NEGR1: variants seen among roughly 807,000 people sequenced by gnomAD.
The protein encoded by NEGR1 is neuronal growth regulator 1.
NEGR1 carries 10 observed loss-of-function variants against 40.9 expected under a neutral mutation model. The observed-to-expected ratio is 0.24, with a 90% CI of 0.15 to 0.42. The LOEUF (loss-of-function observed/expected upper bound fraction) is 0.42, where lower values mean the gene tolerates loss of function less well. NEGR1 is among the 10% of genes least tolerant of loss of function. NEGR1 has a pLI of 1.00. For synonymous variants in NEGR1, 185 were observed against 166.8 expected, an observed-to-expected ratio of 1.11 and a Z score of -0.84; for missense variants, 352 against 438.9, an observed-to-expected ratio of 0.80 and a Z score of 1.77.
intron 1 of NEGR1, among the ~76,000 whole-genome samples, chr1:72,267,308 G>T (rs57367764): frequency 4.0e-5 from 6 of 150,954 alleles, no homozygotes; most frequent in African/African-American, 1.5e-4. Context: ...GGCTATTAAA[G>T]GGTTTTATGA....
intron 1 of NEGR1, among the ~76,000 whole-genome samples, chr1:71,940,330 A>T (rs1645947554): frequency 6.6e-6 from 1 of 152,206 alleles, no homozygotes. Flanking sequence ...AATCTGCTAG[A>T]CTACCTATTT....
chr1:71,887,796 TTCTC>T (rs2101850104), intron 2 of NEGR1, among the ~76,000 whole-genome samples: 1 of 152,252 alleles, frequency 6.6e-6, no homozygotes, highest in South Asian at 2.1e-4. Context: ...GCTCCATACT[TTCTC>T]TTTGTTATTA....
At chr1:71,711,237 C>T (rs1325350204) in intron 3 of NEGR1, among the ~76,000 whole-genome samples, 1 of 141,088 alleles carries the variant, frequency 7.1e-6, no homozygotes, top group Non-Finnish European at 1.5e-5. Flanking sequence ...CCCAGCTACG[C>T]GGGAGGCTGA....
chr1:71,885,544 A>G (rs1458405854), intron 2 of NEGR1, among the ~76,000 whole-genome samples: 1 of 152,216 alleles, frequency 6.6e-6, no homozygotes, highest in African/African-American at 2.4e-5. Context: ...TTAGCAATGC[A>G]ACTGTAAGTA....
chr1:72,152,654 C>T (rs1395610850), intron 1 of NEGR1, among the ~76,000 whole-genome samples: 1 of 151,762 alleles, frequency 6.6e-6, no homozygotes, highest in Admixed American at 6.6e-5. Context: ...AATCATTCTA[C>T]CAAAAATAAG....
intron 1 of NEGR1, among the ~76,000 whole-genome samples, chr1:72,216,363 C>T (rs1013005310): frequency 7.8e-6 from 1 of 127,734 alleles, no homozygotes; most frequent in Non-Finnish European, 1.6e-5. Flanking sequence ...TATCCTAGAA[C>T]TTGGAAGTTA....
intron 2 of NEGR1, among the ~76,000 whole-genome samples, chr1:71,812,362 G>T (rs906916299): frequency 1.3e-5 from 2 of 152,088 alleles, no homozygotes; most frequent in Non-Finnish European, 2.9e-5. Flanking sequence ...GAGCATAAAT[G>T]TGCATGTATC....
At chr1:71,667,004 T>G (rs183451320) in intron 4 of NEGR1, among the ~76,000 whole-genome samples, 86 of 152,302 alleles carry the variant, frequency 5.6e-4, no homozygotes, top group Admixed American at 2.7e-3. Flanking sequence ...ACATTTCTAC[T>G]ATTATAGTAT....
rs138804665 is a variant in NEGR1 at position 72,226,612 on chromosome 1, C to T, written c.176+55707G>A. Reference sequence around the variant, plus strand: ...TGCAAGTTACATTAAAAATTTGATTCGGCCATTGGTGATAACCATCACTTA... The same window carrying T: ...TGCAAGTTACATTAAAAATTTGATTTGGCCATTGGTGATAACCATCACTTA... On this transcript the variant is annotated intron_variant, in intron 1 of 6. Transcript: ENST00000357731. Among the ~76,000 whole-genome samples, 769 of 151,996 alleles carry T rather than the reference C, an allele frequency of 5.1e-3. 7 individuals are homozygous for T. The highest frequency in any genetic ancestry group is 0.017 in the African/African-American group (697 of 41,504).
intron 1 of NEGR1, among the ~76,000 whole-genome samples, chr1:72,017,396 A>G (rs1443955917): frequency 6.6e-6 from 1 of 152,134 alleles, no homozygotes; most frequent in Non-Finnish European, 1.5e-5. Context: ...CCTCTATTAT[A>G]AAGTAAACTT....
At chr1:71,530,302 T>A (rs975541432) in intron 6 of NEGR1, among the ~76,000 whole-genome samples, 3 of 151,418 alleles carry the variant, frequency 2.0e-5, no homozygotes, top group Admixed American at 1.3e-4. Context: ...TTTTAGTAGT[T>A]TGATTTTATT....
At chr1:71,526,486 AT>A (rs1360011366) in intron 6 of NEGR1, among the ~76,000 whole-genome samples, 1 of 151,272 alleles carries the variant, frequency 6.6e-6, no homozygotes, top group Non-Finnish European at 1.5e-5. Context: ...AGTCCAAGAC[AT>A]TTGGCATGAC....
chr1:71,511,070 G>C (rs72936176), intron 6 of NEGR1, among the ~76,000 whole-genome samples: 6,134 of 152,288 alleles, frequency 0.04, 408 homozygotes, highest in African/African-American at 0.14. Flanking sequence ...TTTTGCAGAT[G>C]CAGGCTACAA....
At chr1:71,658,567 T>C (rs181312695) in intron 4 of NEGR1, among the ~76,000 whole-genome samples, 3 of 152,260 alleles carry the variant, frequency 2.0e-5, no homozygotes, top group Admixed American at 6.5e-5. Context: ...TGCACTTTCA[T>C]CTCATGCATG....
chr1:71,484,770 A>T (rs1048459333), intron 6 of NEGR1: 1 of 151,722 alleles, frequency 6.6e-6, no homozygotes, highest in Non-Finnish European at 1.5e-5. Context: ...GTTCCAGTCT[A>T]ACTCCTTCTT....
intron 6 of NEGR1, among the ~76,000 whole-genome samples, chr1:71,418,046 C>T (rs1646367736): frequency 6.6e-6 from 1 of 150,384 alleles, no homozygotes; most frequent in Non-Finnish European, 1.5e-5. Context: ...CTGCTATTCC[C>T]CACGTACTAT....
chr1:71,549,197 A>G (rs556906928), intron 6 of NEGR1, among the ~76,000 whole-genome samples: 3 of 151,904 alleles, frequency 2.0e-5, no homozygotes, highest in South Asian at 2.1e-4. Flanking sequence ...TAGTCAGAAT[A>G]CATTAGACAA....
At chr1:71,778,182 T>TAG (rs1393408928) in intron 2 of NEGR1, among the ~76,000 whole-genome samples, 2 of 151,926 alleles carry the variant, frequency 1.3e-5, no homozygotes, top group East Asian at 1.9e-4. Context: ...TACATATATA[T>TAG]ATATAGAGAG....
At chr1:71,614,122 A>G (rs965618892) in intron 4 of NEGR1, among the ~76,000 whole-genome samples, 9 of 151,946 alleles carry the variant, frequency 5.9e-5, no homozygotes, top group African/African-American at 1.9e-4. Flanking sequence ...AAAACATTGC[A>G]AGGAAAATAT....
Sources: allele counts gnomAD v4.1 joint callset (sites outside exome capture counted in the v4.1 genomes callset), GRCh38; gene constraint gnomAD v4.1.1; transcripts MANE v1.5; gene names NCBI Gene and HGNC (gene_info 2026-07-23, HGNC 2026-07-21).